The following SOX5 variants were observed in gnomAD, a reference collection of about 807,000 sequenced individuals.
SOX5 encodes SRY-box transcription factor 5.
Under a neutral mutation model 92.0 loss-of-function variants are expected in SOX5, and 9 were observed. The observed-to-expected ratio is 0.10, with a 90% CI of 0.06 to 0.17. SOX5 has a LOEUF of 0.17. Among genes scored for constraint, SOX5 ranks in the 10% least tolerant of loss-of-function variants. SOX5 has a pLI of 1.00. For synonymous variants in SOX5, 344 were observed against 336.3 expected, an observed-to-expected ratio of 1.02 and a Z score of -0.25; for missense variants, 642 against 944.5, an observed-to-expected ratio of 0.68 and a Z score of 4.20.
At chr12:24,232,412 A>G (rs1343850712) in intron 3 of SOX5, among the ~76,000 whole-genome samples, 3 of 152,230 alleles carry the variant, frequency 2.0e-5, no homozygotes, top group Non-Finnish European at 2.9e-5. Context: ...GTAAAGATGT[A>G]AGAACAATTT....
At chr12:23,972,113 G>A (rs1310710747) in intron 4 of SOX5, among the ~76,000 whole-genome samples, 2 of 152,096 alleles carry the variant, frequency 1.3e-5, no homozygotes, top group Non-Finnish European at 2.9e-5. Context: ...TAAGGATGGG[G>A]GAGACCTGTA....
At chr12:24,252,779 G>C (rs1014339626) in intron 3 of SOX5, among the ~76,000 whole-genome samples, 1 of 151,732 alleles carries the variant, frequency 6.6e-6, no homozygotes, top group African/African-American at 2.4e-5. Context: ...TGCTCCACAC[G>C]ATCTAATCAT....
chr12:24,145,022 G>A (rs1456275833), intron 4 of SOX5, among the ~76,000 whole-genome samples: 1 of 151,866 alleles, frequency 6.6e-6, no homozygotes, highest in Non-Finnish European at 1.5e-5. Flanking sequence ...AGCCTGGGAA[G>A]GTCAAGGCTG....
intron 9 of SOX5, among the ~76,000 whole-genome samples, chr12:23,577,828 T>C (rs1949407433): frequency 6.6e-6 from 1 of 151,744 alleles, no homozygotes; most frequent in South Asian, 2.1e-4. Context: ...TTTTAAAAAC[T>C]ATAGGGGCAA....
chr12:24,275,008 T>A (rs900414388), intron 3 of SOX5, among the ~76,000 whole-genome samples: 1 of 150,908 alleles, frequency 6.6e-6, no homozygotes, highest in African/African-American at 2.4e-5. Context: ...GTTGTATGGA[T>A]CTACTGAGCA....
chr12:24,493,525 T>G (rs1947301988), intron 1 of SOX5, among the ~76,000 whole-genome samples: 2 of 152,148 alleles, frequency 1.3e-5, no homozygotes, highest in Non-Finnish European at 2.9e-5. Flanking sequence ...ATGTAGGAGC[T>G]CTTTGTACTG....
upstream of SOX5, among the ~76,000 whole-genome samples, chr12:23,952,619 A>G (rs1363308012): frequency 6.6e-6 from 1 of 152,214 alleles, no homozygotes; most frequent in East Asian, 1.9e-4. Flanking sequence ...TTCAAAAGAC[A>G]AATTATTTCT....
intron 1 of SOX5, among the ~76,000 whole-genome samples, chr12:24,476,071 C>T (rs771913670): frequency 2.0e-5 from 3 of 151,756 alleles, no homozygotes; most frequent in Non-Finnish European, 4.4e-5. Context: ...GCTATAGCAT[C>T]TAACACGTGC....
At position 24,470,263 on chromosome 12, in the gene SOX5, C is replaced by T. The variant is rs141097834; in HGVS notation, c.-251+92066G>A. ...ATTATATCATCTCGAAGCATCATTA[C>T]GACATCAGCCTCAATCTTGTGGGAA... On this transcript the variant is annotated intron_variant, in intron 1 of 4. Coordinates refer to the SOX5 transcript ENST00000446891. Among the ~76,000 whole-genome samples the T allele has an allele frequency of 1.2e-4, 18 of 152,232 alleles. No homozygotes were observed. The East Asian group carries it at 2.5e-3, about 21-fold the overall frequency.
At chr12:23,743,541 T>C (rs1381530707) in intron 4 of SOX5, among the ~76,000 whole-genome samples, 1 of 152,018 alleles carries the variant, frequency 6.6e-6, no homozygotes, top group Non-Finnish European at 1.5e-5. Flanking sequence ...CGAACTCCTG[T>C]CCTCGTGATC....
intron 3 of SOX5, among the ~76,000 whole-genome samples, chr12:23,830,507 T>C (rs2096298323): frequency 6.6e-6 from 1 of 152,126 alleles, no homozygotes; most frequent in South Asian, 2.1e-4. Context: ...GAACAGCACT[T>C]ACAAAGCCTC....
chr12:23,731,727 T>A (rs1473830994), intron 6 of SOX5, among the ~76,000 whole-genome samples: 1 of 152,308 alleles, frequency 6.6e-6, no homozygotes, highest in Non-Finnish European at 1.5e-5. Flanking sequence ...CTTGATGTAT[T>A]GGATTCCTTT....
At chr12:23,762,873 T>C (rs539032262) in intron 3 of SOX5, among the ~76,000 whole-genome samples, 36 of 152,302 alleles carry the variant, frequency 2.4e-4, no homozygotes, top group African/African-American at 8.7e-4. Context: ...ATATTTTCTA[T>C]ACAAAAATCT....
intron 1 of SOX5, among the ~76,000 whole-genome samples, chr12:24,556,319 C>A (rs1454986727): frequency 6.6e-6 from 1 of 152,164 alleles, no homozygotes; most frequent in East Asian, 1.9e-4. Context: ...TAGACAAATT[C>A]TGTTTCATTG....
intron 1 of SOX5, among the ~76,000 whole-genome samples, chr12:24,429,085 A>G (rs949640963): frequency 1.4e-4 from 22 of 152,254 alleles, no homozygotes; most frequent in African/African-American, 4.6e-4. Context: ...TGGGAGGCCA[A>G]GACGGGAGGA....
intron 1 of SOX5, among the ~76,000 whole-genome samples, chr12:23,936,509 G>T (rs1039620600): frequency 2.7e-5 from 4 of 150,780 alleles, no homozygotes; most frequent in African/African-American, 9.7e-5. Context: ...ATTCCACTTT[G>T]TGGTAGAAGA....
chr12:24,355,797 T>A (rs956743222), intron 2 of SOX5, among the ~76,000 whole-genome samples: 5 of 152,150 alleles, frequency 3.3e-5, no homozygotes, highest in Admixed American at 6.5e-5. Flanking sequence ...TGGGGAAAAA[T>A]TACTTATTTC....
chr12:24,351,704 C>T (rs181066937), intron 2 of SOX5, among the ~76,000 whole-genome samples: 1 of 152,116 alleles, frequency 6.6e-6, no homozygotes, highest in Admixed American at 6.6e-5. Context: ...GGAGGGAAAA[C>T]CATTACATGA....
At chr12:24,004,687 C>T (rs193107276) in intron 4 of SOX5, among the ~76,000 whole-genome samples, 53 of 152,202 alleles carry the variant, frequency 3.5e-4, no homozygotes, top group African/African-American at 1.3e-3. Flanking sequence ...TCAAATCACG[C>T]AGCCACATTG....
Sources: gnomAD v4.1 joint callset for allele counts (sites outside exome capture counted in the v4.1 genomes callset) on GRCh38, gnomAD v4.1.1 for gene constraint, MANE v1.5 for transcripts, NCBI Gene and HGNC (gene_info 2026-07-23, HGNC 2026-07-21) for gene names.